Variants in MVB12B observed in about 807,000 individuals in gnomAD.
MVB12B encodes ESCRT-I complex subunit MVB12B.
In MVB12B, 16 loss-of-function variants were observed where a neutral mutation model predicts 41.6. The observed-to-expected ratio is 0.38, with a 90% CI of 0.26 to 0.58. MVB12B has a LOEUF of 0.58. Among genes scored for constraint, MVB12B ranks in the 20% least tolerant of loss-of-function variants. The pLI is 0.62. For synonymous variants in MVB12B, 133 were observed against 139.7 expected, an observed-to-expected ratio of 0.95 and a Z score of 0.34; for missense variants, 274 against 380.2, an observed-to-expected ratio of 0.72 and a Z score of 2.32.
rs1243406707 is a variant in MVB12B at position 126,436,808 on chromosome 9, G to A, written c.757+14860G>A. ...ACTAGTAAGGGAATGGCCCTTCCTG[G>A]GTCAATTTTTTAAAAGCGAATTGCT... On this transcript the variant is annotated intron_variant, in intron 7 of 9. Coordinates refer to ENST00000361171, the MANE Select transcript of MVB12B (RefSeq NM_033446.3). This position sits in a 1 kb window ranked among gnomAD's most constrained non-coding sequence, Gnocchi z 4.1. Among the ~76,000 whole-genome samples, 1 of 152,020 alleles carries A rather than the reference G, an allele frequency of 6.6e-6. No individual in the cohort carries two copies. The highest frequency in any genetic ancestry group is 2.1e-4 in the South Asian group (1 of 4,822).
At chr9:126,443,940 C>T (rs1237007005) in intron 7 of MVB12B, among the ~76,000 whole-genome samples, 2 of 152,280 alleles carry the variant, frequency 1.3e-5, no homozygotes, top group Non-Finnish European at 2.9e-5. Context: ...TACATGGACT[C>T]ATACAATATG....
At chr9:126,371,895 A>G (rs896769416) in intron 2 of MVB12B, among the ~76,000 whole-genome samples, 2 of 152,226 alleles carry the variant, frequency 1.3e-5, no homozygotes, top group Non-Finnish European at 2.9e-5. Flanking sequence ...TAATTCATAT[A>G]CCACAAAGTT....
intron 6 of MVB12B, chr9:126,397,479 G>A (rs746434367): frequency 4.1e-6 from 4 of 985,450 alleles, no homozygotes; most frequent in Middle Eastern, 5.2e-4. Context: ...TGGCTGCAAG[G>A]AAATCGGATC....
chr9:126,355,069 A>G (rs1829844443), intron 2 of MVB12B, among the ~76,000 whole-genome samples: 1 of 152,170 alleles, frequency 6.6e-6, no homozygotes, highest in Non-Finnish European at 1.5e-5. Flanking sequence ...CATTTGTCAT[A>G]TGCTAGAGGT....
In MVB12B at chr9:126,421,163, A is replaced by G. The variant is rs1295633225; in HGVS notation, c.663-691A>G. ...ATGCCAAATGGATTGTTTACTTTTG[A>G]CTAAATGCTCACTTAGGCTGAGTGT... is the stretch of plus-strand genomic sequence containing the variant. On this transcript the variant is annotated intron_variant, in intron 6 of 9. Transcript: ENST00000361171. Among the ~76,000 whole-genome samples, 4 of 152,180 alleles carry G rather than the reference A, an allele frequency of 2.6e-5. No homozygotes were observed. In the South Asian group the frequency reaches 6.2e-4, roughly 24 times the overall value.
At position 126,395,711 on chromosome 9, in the gene MVB12B, G is replaced by A. The variant is rs368771828; in HGVS notation, c.662+14G>A. The A allele has an allele frequency of 7.1e-5, 115 of 1,613,510 alleles. No individual in the cohort carries two copies. The highest frequency in any genetic ancestry group is 2.7e-4 in the African/African-American group (20 of 74,894). ...CAACCTTCCCAGGTGAGGCCTTGTC[G>A]GGGTGTCTTGCGTTGTCCTGTGGTC... On this transcript the variant is annotated intron_variant, in intron 6 of 9. Transcript: ENST00000361171. The surrounding 1 kb of genome is among the most constrained non-coding windows in gnomAD (Gnocchi z 4.9).
At chr9:126,404,254 C>CA (rs1322653326) in intron 6 of MVB12B, among the ~76,000 whole-genome samples, 3 of 152,160 alleles carry the variant, frequency 2.0e-5, no homozygotes, top group Non-Finnish European at 2.9e-5. Flanking sequence ...CACACCCGGC[C>CA]AACTCGTTTA....
chr9:126,488,430 C>T (rs1038523997), intron 9 of MVB12B, among the ~76,000 whole-genome samples: 1 of 152,062 alleles, frequency 6.6e-6, no homozygotes, highest in Non-Finnish European at 1.5e-5. Flanking sequence ...CCGTGCCTCC[C>T]GCTCGTCCAG....
intron 7 of MVB12B, among the ~76,000 whole-genome samples, chr9:126,442,944 G>A (rs966616188): frequency 6.6e-6 from 1 of 152,190 alleles, no homozygotes; most frequent in African/African-American, 2.4e-5. Flanking sequence ...TAAAATGTGA[G>A]TGTGTGCTGT....
intron 2 of MVB12B, among the ~76,000 whole-genome samples, chr9:126,355,927 T>C (rs892442441): frequency 6.6e-6 from 1 of 152,192 alleles, no homozygotes; most frequent in African/African-American, 2.4e-5. Context: ...CTGTACCCAT[T>C]AAAAGTTGCT....
chr9:126,422,298 C>G (rs2119092307), intron 7 of MVB12B, among the ~76,000 whole-genome samples: 1 of 152,276 alleles, frequency 6.6e-6, no homozygotes, highest in Admixed American at 6.5e-5. Flanking sequence ...GAGCCCTGGT[C>G]GGCTCACCCT....
At chr9:126,387,051 A>G (rs1447058900) in intron 4 of MVB12B, among the ~76,000 whole-genome samples, 1 of 152,200 alleles carries the variant, frequency 6.6e-6, no homozygotes, top group Non-Finnish European at 1.5e-5. Context: ...CACAAGGCCA[A>G]TAATGTGCCC....
chr9:126,437,467 A>G (rs889716563), intron 7 of MVB12B, among the ~76,000 whole-genome samples: 4 of 152,372 alleles, frequency 2.6e-5, no homozygotes, highest in African/African-American at 7.2e-5. Flanking sequence ...AAGCTTTCCA[A>G]TTAAAGCACG....
chr9:126,409,165 T>G (rs112884871), intron 6 of MVB12B, among the ~76,000 whole-genome samples: 2,746 of 152,232 alleles, frequency 0.018, 43 homozygotes, highest in Non-Finnish European at 0.029. Context: ...AATTTTAGAA[T>G]GCTGATTGAA....
At chr9:126,439,370 G>T (rs924500649) in intron 7 of MVB12B, among the ~76,000 whole-genome samples, 20 of 152,316 alleles carry the variant, frequency 1.3e-4, no homozygotes, top group African/African-American at 4.8e-4. Flanking sequence ...GGTCTCCACA[G>T]GGACCTGAAA....
At chr9:126,362,569 A>G (rs2118896516) in intron 2 of MVB12B, among the ~76,000 whole-genome samples, 1 of 152,368 alleles carries the variant, frequency 6.6e-6, no homozygotes, top group Non-Finnish European at 1.5e-5. Flanking sequence ...TTCTACTGCT[A>G]TCTAAGAACA....
At chr9:126,374,919 G>A (rs905129575) in intron 2 of MVB12B, among the ~76,000 whole-genome samples, 7 of 152,112 alleles carry the variant, frequency 4.6e-5, no homozygotes, top group East Asian at 1.9e-4. Flanking sequence ...TGATGCCTGC[G>A]TGCACAGTTT....
intron 2 of MVB12B, among the ~76,000 whole-genome samples, chr9:126,362,800 T>C (rs942662496): frequency 6.6e-6 from 1 of 152,250 alleles, no homozygotes; most frequent in African/African-American, 2.4e-5. Context: ...AGTTTTACAA[T>C]TGACCTTGCT....
chr9:126,431,322 A>G (rs910707512), intron 7 of MVB12B, among the ~76,000 whole-genome samples: 1 of 152,122 alleles, frequency 6.6e-6, no homozygotes, highest in African/African-American at 2.4e-5. Context: ...TCCCTTTCTC[A>G]AGAAGGTGAC....
Sources: allele counts gnomAD v4.1 joint callset (sites outside exome capture counted in the v4.1 genomes callset), GRCh38; gene constraint gnomAD v4.1.1; non-coding constraint Gnocchi (gnomAD v3.1); transcripts MANE v1.5; gene names NCBI Gene and HGNC (gene_info 2026-07-23, HGNC 2026-07-21).